Variants in WIPF2 observed in about 807,000 individuals in gnomAD.
WIPF2 encodes the protein WAS/WASL interacting protein family member 2, also known as WAS/WASL-interacting protein family member 2.
WIPF2 carries 23 observed loss-of-function variants against 38.8 expected under a neutral mutation model. That is an observed-to-expected ratio of 0.59 (90% CI 0.43 to 0.84). The LOEUF (loss-of-function observed/expected upper bound fraction) is 0.84, where lower values mean the gene tolerates loss of function less well. WIPF2 is among the 40% of genes least tolerant of loss of function. The probability of loss-of-function intolerance (pLI) is 0.00; values close to 1 mark genes in which losing one functional copy is unlikely to be tolerated. For synonymous variants in WIPF2, 210 were observed against 223.2 expected (o/e 0.94, Z 0.53); for missense variants, 574 against 580.5 (o/e 0.99, Z 0.11).
intron 1 of WIPF2, among the ~76,000 whole-genome samples, chr17:40,249,357 C>A (rs1000902152): frequency 4.6e-5 from 7 of 151,896 alleles, no homozygotes; most frequent in Admixed American, 2.0e-4. Context: ...AAGGAAGTCT[C>A]CTGTTTTTAA....
Position 40,278,369 on chromosome 17 carries a change from A to G in WIPF2, c.*144A>G. ...AGCCCTAGACTCCAAATGTCCTCCC[A>G]GCTCACCTCCATCTATGCATCTCAT... On this transcript the variant is annotated 3_prime_UTR_variant, in exon 8 of 8. Coordinates refer to ENST00000323571, the MANE Select transcript of WIPF2 (RefSeq NM_133264.5). 1.1e-6 allele frequency: 1 copy of G among 905,060 alleles called. No individual in the cohort carries two copies. 56.1% of individuals were successfully genotyped at this position (905,060 alleles called of 1,614,324 possible).
Position 40,243,659 on chromosome 17 carries a change from A to G in WIPF2, c.-69-12732A>G, listed in dbSNP as rs546617022. Among the ~76,000 whole-genome samples, 653 of 151,708 alleles carry G rather than the reference A, an allele frequency of 4.3e-3. 2 individuals carry two copies. The highest frequency in any genetic ancestry group is 6.8e-3 in the Non-Finnish European group (465 of 67,932). On this transcript the variant is annotated intron_variant, in intron 1 of 7. Coordinates refer to ENST00000323571, the MANE Select transcript of WIPF2 (RefSeq NM_133264.5). Reference sequence around the variant, plus strand: ...CTCCTGAGTAGCTGGGATTACAGGCATACGCCACCACACCCGGCTAATTTT... The same window carrying G: ...CTCCTGAGTAGCTGGGATTACAGGCGTACGCCACCACACCCGGCTAATTTT...
chr17:40,238,987 A>T (rs189788866), intron 1 of WIPF2, among the ~76,000 whole-genome samples: 18 of 151,214 alleles, frequency 1.2e-4, no homozygotes, highest in Middle Eastern at 3.2e-3. Flanking sequence ...TTATCCTCCT[A>T]CCTCCAAGTA....
chr17:40,240,862 A>C (rs1417845543), intron 1 of WIPF2, among the ~76,000 whole-genome samples: 2 of 150,950 alleles, frequency 1.3e-5, no homozygotes, highest in Non-Finnish European at 2.9e-5. Flanking sequence ...GGAGAATGAC[A>C]TGAACCCGAG....
chr17:40,242,727 C>A (rs1349994252), intron 1 of WIPF2, among the ~76,000 whole-genome samples: 1 of 152,128 alleles, frequency 6.6e-6, no homozygotes, highest in Non-Finnish European at 1.5e-5. Context: ...TGAACAAAGT[C>A]ACAAAAACAA....
At chr17:40,242,152 A>G (rs1598476637) in intron 1 of WIPF2, among the ~76,000 whole-genome samples, 1 of 152,300 alleles carries the variant, frequency 6.6e-6, no homozygotes, top group South Asian at 2.1e-4. Flanking sequence ...CTATGGCAGG[A>G]GGATTGTTTG....
intron 1 of WIPF2, among the ~76,000 whole-genome samples, chr17:40,249,998 A>G (rs1280764919): frequency 1.3e-5 from 2 of 150,472 alleles, no homozygotes; most frequent in South Asian, 2.1e-4. Flanking sequence ...ATGCCTGGCT[A>G]ATTTTTTGTA....
At chr17:40,223,874 C>T (rs904390799) in intron 1 of WIPF2, among the ~76,000 whole-genome samples, 1 of 151,862 alleles carries the variant, frequency 6.6e-6, no homozygotes, top group Non-Finnish European at 1.5e-5. Flanking sequence ...CGTGAGCCAC[C>T]GCGCCCGGCC....
intron 1 of WIPF2, among the ~76,000 whole-genome samples, chr17:40,239,306 C>T (rs1005191844): frequency 4.6e-5 from 7 of 151,880 alleles, no homozygotes; most frequent in East Asian, 1.9e-4. Context: ...CTCCTGACCT[C>T]GTGATCCGCC....
chr17:40,242,071 A>G (rs1159811281), intron 1 of WIPF2, among the ~76,000 whole-genome samples: 1 of 152,214 alleles, frequency 6.6e-6, no homozygotes, highest in African/African-American at 2.4e-5. Flanking sequence ...TTTGCATTCT[A>G]AGATGAGCAG....
intron 5 of WIPF2, among the ~76,000 whole-genome samples, chr17:40,270,063 C>T (rs2032203096): frequency 6.6e-6 from 1 of 151,882 alleles, no homozygotes; most frequent in Non-Finnish European, 1.5e-5. Context: ...TCACTTGAAA[C>T]AGTCTTAAAA....
intron 1 of WIPF2, among the ~76,000 whole-genome samples, chr17:40,245,545 G>A (rs934927317): frequency 1.3e-4 from 20 of 152,022 alleles, no homozygotes; most frequent in African/African-American, 4.3e-4. Context: ...GTTTCACCAT[G>A]TTGGCCAGGT....
intron 1 of WIPF2, among the ~76,000 whole-genome samples, chr17:40,246,818 G>T (rs781329472): frequency 4.6e-5 from 7 of 151,900 alleles, no homozygotes; most frequent in Non-Finnish European, 1.0e-4. Flanking sequence ...CTGTGCTTAA[G>T]AACTCATTTG....
intron 1 of WIPF2, among the ~76,000 whole-genome samples, chr17:40,226,351 A>G (rs1358280396): frequency 6.6e-6 from 1 of 150,766 alleles, no homozygotes; most frequent in Non-Finnish European, 1.5e-5. Context: ...TTACAGGCGC[A>G]CACCACCACA....
rs185698710 is a variant in WIPF2, at chr17:40,264,737, C to T, written c.561C>T (p.Asn187=). 53 of 1,598,424 alleles carry T rather than the reference C, an allele frequency of 3.3e-5. No individual in the cohort carries two copies. Among genetic ancestry groups the T allele is most frequent in the Admixed American group, 6.9e-5 (4 of 58,318 alleles). ...CACCACCCCCAGGGCGGCGTGCCAA[C>T]GCACCCCCCACACCTCTGCCTATGC... The part of the protein sequence containing the change: ...PPPPPPGRRA[N]APPTPLPMHS... Residue 187 remains asparagine, a synonymous_variant, in exon 5 of 8, where the codon AAC becomes AAT. Coordinates refer to ENST00000323571, the MANE Select transcript of WIPF2 (RefSeq NM_133264.5).
At chr17:40,240,200 C>G (rs1450336027) in intron 1 of WIPF2, among the ~76,000 whole-genome samples, 1 of 151,876 alleles carries the variant, frequency 6.6e-6, no homozygotes, top group African/African-American at 2.4e-5. Context: ...TCGCTGGCAA[C>G]TACAGGCATG....
At chr17:40,227,859 A>G (rs572334142) in intron 1 of WIPF2, among the ~76,000 whole-genome samples, 1 of 151,948 alleles carries the variant, frequency 6.6e-6, no homozygotes, top group Non-Finnish European at 1.5e-5. Context: ...AAAACAAAAC[A>G]AAAAACAAAA....
At position 40,219,368 on chromosome 17, in the gene WIPF2, T is replaced by TGGCGGTGGCGGC. The variant is rs1555557741; in HGVS notation, c.-189_-188insTGGCGGCGGCGG. Reference sequence around the variant, plus strand: ...ATTTCCGGGTTGGCAAAAGGGGCGGTGGCGGCGGCGGCGGCGGCGGCGGCG... The same window carrying TGGCGGTGGCGGC: ...ATTTCCGGGTTGGCAAAAGGGGCGGTGGCGGTGGCGGCGGCGGCGGCGGCGGCGGCGGCGGCG... On this transcript the variant is annotated 5_prime_UTR_variant, in exon 1 of 8. Transcript: ENST00000323571. 17 of 379,688 alleles carry TGGCGGTGGCGGC rather than the reference T, an allele frequency of 4.5e-5. No individual in the cohort carries two copies. Among genetic ancestry groups the TGGCGGTGGCGGC allele is most frequent in the Non-Finnish European group, 7.5e-5 (15 of 200,330 alleles). The allele number at this position is 379,688 out of a possible 1,614,324, so 23.5% of individuals were successfully genotyped here. A position where few individuals can be genotyped will look rare whatever the true frequency, so the allele number is the denominator to read the frequency against.
At chr17:40,231,300 T>C (rs546484414) in intron 1 of WIPF2, among the ~76,000 whole-genome samples, 10 of 152,296 alleles carry the variant, frequency 6.6e-5, no homozygotes, top group Admixed American at 5.9e-4. Context: ...GACACTTGTC[T>C]CCATGTGAAG....
Sources: gnomAD v4.1 joint callset for allele counts (sites outside exome capture counted in the v4.1 genomes callset) on GRCh38, gnomAD v4.1.1 for gene constraint, MANE v1.5 for transcripts, NCBI Gene and HGNC (gene_info 2026-07-23, HGNC 2026-07-21) for gene names.